Variants in HPSE2 observed in about 807,000 individuals in gnomAD.
HPSE2 encodes inactive heparanase-2.
Under a neutral mutation model 60.5 loss-of-function variants are expected in HPSE2, and 38 were observed. That is an observed-to-expected ratio of 0.63 (90% confidence interval 0.48 to 0.82). HPSE2 has a LOEUF of 0.82. Among genes scored for constraint, HPSE2 ranks in the 40% least tolerant of loss-of-function variants. HPSE2 has a pLI of 0.00. For synonymous variants in HPSE2, 295 were observed against 293.2 expected, an observed-to-expected ratio of 1.01 and a Z score of -0.06; for missense variants, 713 against 740.4, an observed-to-expected ratio of 0.96 and a Z score of 0.43.
chr10:98,739,836 T>C (rs966557539), intron 4 of HPSE2, among the ~76,000 whole-genome samples: 1 of 152,214 alleles, frequency 6.6e-6, no homozygotes, highest in Non-Finnish European at 1.5e-5. Flanking sequence ...TCAGTGTTCA[T>C]TCAATTAGAG....
At chr10:98,767,071 T>A (rs932744422) in intron 3 of HPSE2, among the ~76,000 whole-genome samples, 3 of 152,208 alleles carry the variant, frequency 2.0e-5, no homozygotes, top group African/African-American at 4.8e-5. Context: ...TTCATTATTT[T>A]AAAAAATTCA....
At chr10:99,158,943 C>T (rs1027830858) in intron 2 of HPSE2, among the ~76,000 whole-genome samples, 1 of 151,952 alleles carries the variant, frequency 6.6e-6, no homozygotes, top group African/African-American at 2.4e-5. Flanking sequence ...ATGGACTAAA[C>T]AGTCAATCAA....
At chr10:99,102,793 T>A (rs1270452276) in intron 3 of HPSE2, among the ~76,000 whole-genome samples, 2 of 152,164 alleles carry the variant, frequency 1.3e-5, no homozygotes, top group Non-Finnish European at 2.9e-5. Context: ...CATGATCAAG[T>A]GGGCTTCAAC....
intron 9 of HPSE2, among the ~76,000 whole-genome samples, chr10:98,514,887 T>G (rs1942546798): frequency 6.6e-6 from 1 of 151,814 alleles, no homozygotes; most frequent in South Asian, 2.1e-4. Flanking sequence ...CCCGGCTATT[T>G]TTTTTTTTGT....
chr10:99,144,921 A>G (rs979160394), intron 2 of HPSE2, among the ~76,000 whole-genome samples: 4 of 107,948 alleles, frequency 3.7e-5, no homozygotes, highest in Non-Finnish European at 6.8e-5. Context: ...TTACCTGGTC[A>G]TGGTTTTTTC....
chr10:99,146,918 A>G (rs1210037475), intron 2 of HPSE2, among the ~76,000 whole-genome samples: 1 of 152,242 alleles, frequency 6.6e-6, no homozygotes, highest in African/African-American at 2.4e-5. Context: ...AAAGTGTTGA[A>G]CAGAAAAATG....
intron 3 of HPSE2, among the ~76,000 whole-genome samples, chr10:98,813,513 A>G (rs1383542960): frequency 1.3e-5 from 2 of 152,156 alleles, no homozygotes; most frequent in Non-Finnish European, 2.9e-5. Context: ...CCATCTATGC[A>G]CAAAAGTGGC....
At chr10:99,028,248 T>A (rs1231397612) in intron 3 of HPSE2, among the ~76,000 whole-genome samples, 1 of 152,132 alleles carries the variant, frequency 6.6e-6, no homozygotes, top group Non-Finnish European at 1.5e-5. Context: ...TGGAAAAAAC[T>A]AAAGACTCCA....
chr10:99,160,695 C>T (rs1048958097), intron 2 of HPSE2, among the ~76,000 whole-genome samples: 10 of 151,476 alleles, frequency 6.6e-5, no homozygotes, highest in Admixed American at 6.6e-5. Flanking sequence ...GTCAGGAGAT[C>T]GAGACCATCC....
At chr10:98,612,057 G>T (rs1271451929) in intron 9 of HPSE2, among the ~76,000 whole-genome samples, 1 of 152,174 alleles carries the variant, frequency 6.6e-6, no homozygotes, top group Non-Finnish European at 1.5e-5. Flanking sequence ...GCCATGCAAA[G>T]GTCCAAAGAG....
intron 3 of HPSE2, among the ~76,000 whole-genome samples, chr10:98,816,870 T>A (rs556058069): frequency 1.3e-5 from 2 of 152,316 alleles, no homozygotes; most frequent in South Asian, 4.1e-4. Flanking sequence ...GTCAATCTTT[T>A]TTTTTATTTT....
chr10:98,682,893 A>G (rs1194215661), intron 6 of HPSE2, among the ~76,000 whole-genome samples: 1 of 152,194 alleles, frequency 6.6e-6, no homozygotes, highest in Non-Finnish European at 1.5e-5. Flanking sequence ...GCAGAGTGCT[A>G]GAGACTGAAC....
chr10:98,921,648 T>C (rs1954285202), intron 3 of HPSE2, among the ~76,000 whole-genome samples: 1 of 152,188 alleles, frequency 6.6e-6, no homozygotes, highest in African/African-American at 2.4e-5. Context: ...CTTTGCATGG[T>C]TCATTAGCAC....
At chr10:98,840,971 G>C (rs748552694) in intron 3 of HPSE2, among the ~76,000 whole-genome samples, 1 of 152,100 alleles carries the variant, frequency 6.6e-6, no homozygotes, top group African/African-American at 2.4e-5. Flanking sequence ...CTTAAAACTC[G>C]ACAGAAGAAC....
intron 3 of HPSE2, among the ~76,000 whole-genome samples, chr10:98,762,811 CAAAA>C (rs1326039489): frequency 6.6e-6 from 1 of 151,706 alleles, no homozygotes; most frequent in African/African-American, 2.4e-5. Context: ...TAAAACAAAA[CAAAA>C]AGAAAATCTG....
At chr10:98,946,698 A>G (rs1178666880) in intron 3 of HPSE2, among the ~76,000 whole-genome samples, 1 of 152,144 alleles carries the variant, frequency 6.6e-6, no homozygotes, top group African/African-American at 2.4e-5. Flanking sequence ...CTTATAAACT[A>G]TAAATGGCAC....
chr10:98,889,108 G>T (rs11189855), intron 3 of HPSE2, among the ~76,000 whole-genome samples: 1 of 151,882 alleles, frequency 6.6e-6, no homozygotes, highest in African/African-American at 2.4e-5. Context: ...TTTTTTTTCA[G>T]ATTTTTTCTC....
chr10:99,288,748 CA>C, the HPSE2 span, among the ~76,000 whole-genome samples: 38 of 75,788 alleles, frequency 5.0e-4, no homozygotes, highest in Middle Eastern at 8.9e-3. Flanking sequence ...CAGCCTCAAG[CA>C]AAAAAAAAAA....
chr10:98,666,645 C>T (rs1270042253), intron 6 of HPSE2, among the ~76,000 whole-genome samples: 1 of 152,070 alleles, frequency 6.6e-6, no homozygotes, highest in African/African-American at 2.4e-5. Context: ...CAGAACTACA[C>T]AAAAACATGG....
Sources: gnomAD v4.1 joint callset for allele counts (sites outside exome capture counted in the v4.1 genomes callset) on GRCh38, gnomAD v4.1.1 for gene constraint, MANE v1.5 for transcripts, NCBI Gene and HGNC (gene_info 2026-07-23, HGNC 2026-07-21) for gene names.